Variants in GRID2 observed in about 807,000 individuals in gnomAD.
GRID2 encodes the protein glutamate receptor ionotropic, delta-2.
Under a neutral mutation model 114.8 loss-of-function variants are expected in GRID2, and 33 were observed. That is an observed-to-expected ratio of 0.29 (90% CI 0.22 to 0.38). The LOEUF is 0.38. Ranked by LOEUF, GRID2 falls within the 10% of genes least tolerant of loss-of-function variation. GRID2 has a pLI of 1.00. For synonymous variants in GRID2, 505 were observed against 449.9 expected (o/e 1.12, Z -1.55); for missense variants, 1,184 against 1,257.7 (o/e 0.94, Z 0.89).
intron 1 of GRID2, among the ~76,000 whole-genome samples, chr4:92,335,544 A>C (rs957094069): frequency 1.3e-5 from 2 of 152,232 alleles, no homozygotes; most frequent in African/African-American, 4.8e-5. Context: ...TTTCAGTATT[A>C]AGCAAAGAAA....
intron 8 of GRID2, among the ~76,000 whole-genome samples, chr4:93,284,067 A>G (rs1302331120): frequency 6.6e-6 from 1 of 152,016 alleles, no homozygotes; most frequent in East Asian, 1.9e-4. Flanking sequence ...TCTTTTCCTT[A>G]CAAGATGACA....
intron 14 of GRID2, among the ~76,000 whole-genome samples, chr4:93,643,941 A>T (rs1164117380): frequency 9.8e-6 from 1 of 102,070 alleles, no homozygotes; most frequent in Non-Finnish European, 1.9e-5. Context: ...TTGATCTCAG[A>T]CTGCTGTGCT....
rs1026366867 is a variant in GRID2 at position 93,223,913 on chromosome 4, A to C, written c.964-701A>C. Among the ~76,000 whole-genome samples, 4 of 152,172 alleles carry C rather than the reference A, an allele frequency of 2.6e-5. No homozygotes were observed. In the East Asian group the frequency reaches 7.7e-4, roughly 29 times the overall value. ...CTATAATTTATTTTTCAATCTATGTAGAAAGAAGTTAATAACATGGTTGTT... is the reference window on the plus strand; with the variant it reads ...CTATAATTTATTTTTCAATCTATGTCGAAAGAAGTTAATAACATGGTTGTT... On this transcript the variant is annotated intron_variant, in intron 6 of 15. Coordinates refer to ENST00000282020, the MANE Select transcript of GRID2 (RefSeq NM_001510.4).
intron 14 of GRID2, among the ~76,000 whole-genome samples, chr4:93,726,548 A>G (rs1239973063): frequency 1.3e-5 from 2 of 149,068 alleles, no homozygotes; most frequent in East Asian, 2.0e-4. Context: ...TGATGGGGAT[A>G]GCATTGAATC....
At chr4:93,800,578 AGCATTTTAATG>A (rs1223810917) in intron 1 of GRID2, among the ~76,000 whole-genome samples, 2 of 152,344 alleles carry the variant, frequency 1.3e-5, no homozygotes, top group Non-Finnish European at 2.9e-5. Context: ...TGTCCCAGAT[AGCATTTTAATG>A]GGTATCATGA....
At chr4:93,647,058 GA>G (rs2149715855) in intron 14 of GRID2, among the ~76,000 whole-genome samples, 1 of 152,218 alleles carries the variant, frequency 6.6e-6, no homozygotes, top group South Asian at 2.1e-4. Context: ...ATTACAATTT[GA>G]AAGGTAGAAG....
intron 1 of GRID2, among the ~76,000 whole-genome samples, chr4:92,439,123 G>A (rs958651484): frequency 6.6e-6 from 1 of 151,988 alleles, no homozygotes; most frequent in Non-Finnish European, 1.5e-5. Flanking sequence ...TACAGTCAAA[G>A]GGGGCTTGTT....
chr4:93,071,145 G>C (rs1728773183), intron 2 of GRID2, among the ~76,000 whole-genome samples: 1 of 152,018 alleles, frequency 6.6e-6, no homozygotes, highest in East Asian at 1.9e-4. Context: ...TACTATTGTT[G>C]ACTCCATTTA....
chr4:92,678,438 G>A (rs184777051), intron 2 of GRID2, among the ~76,000 whole-genome samples: 8 of 152,078 alleles, frequency 5.3e-5, no homozygotes, highest in Admixed American at 3.9e-4. Context: ...GTATGTTAAA[G>A]GCCTAATGGG....
intron 9 of GRID2, among the ~76,000 whole-genome samples, chr4:93,412,500 T>A (rs1767298349): frequency 6.6e-6 from 1 of 152,154 alleles, no homozygotes; most frequent in African/African-American, 2.4e-5. Context: ...CTTGTGCACA[T>A]TTATGCTCAT....
At chr4:92,951,282 TA>T (rs1560737284) in intron 2 of GRID2, among the ~76,000 whole-genome samples, 1 of 151,996 alleles carries the variant, frequency 6.6e-6, no homozygotes, top group African/African-American at 2.4e-5. Flanking sequence ...AACTTAACAA[TA>T]GATTTTATGT....
At chr4:92,745,836 G>A (rs189031841) in intron 2 of GRID2, among the ~76,000 whole-genome samples, 14 of 152,078 alleles carry the variant, frequency 9.2e-5, no homozygotes, top group African/African-American at 4.8e-5. Context: ...ATGCTATAAA[G>A]TAAAAAGAAA....
intron 2 of GRID2, among the ~76,000 whole-genome samples, chr4:92,677,579 C>T (rs1733435797): frequency 6.6e-6 from 1 of 152,050 alleles, no homozygotes; most frequent in African/African-American, 2.4e-5. Flanking sequence ...TTATAAAACA[C>T]CACAAAAAGC....
At chr4:93,363,851 A>G (rs1762097833) in intron 8 of GRID2, among the ~76,000 whole-genome samples, 1 of 151,808 alleles carries the variant, frequency 6.6e-6, no homozygotes, top group African/African-American at 2.4e-5. Context: ...ATATATGTAT[A>G]TATAGTCATC....
chr4:92,984,005 C>T lies in GRID2; in HGVS notation c.245-100990C>T, dbSNP rs576944321. Among the ~76,000 whole-genome samples the T allele has an allele frequency of 2.7e-3, 414 of 152,266 alleles. 1 individual carries two copies. The highest frequency in any genetic ancestry group is 5.1e-3 in the Non-Finnish European group (349 of 68,004). On this transcript the variant is annotated intron_variant, in intron 2 of 15. Transcript: ENST00000282020. The stretch of plus-strand genomic sequence containing the variant: ...ATGTAACTTTGGACAGGGTACATAA[C>T]CTCTTTGGCCCTCAGTGTTTTTGAT...
At chr4:93,649,135 C>G (rs1041710251) in intron 14 of GRID2, among the ~76,000 whole-genome samples, 8 of 152,120 alleles carry the variant, frequency 5.3e-5, no homozygotes, top group Non-Finnish European at 8.8e-5. Flanking sequence ...CAACCAAAAT[C>G]ATTTTTTAAC....
chr4:92,669,502 C>CT (rs1166386775), intron 2 of GRID2, among the ~76,000 whole-genome samples: 1 of 151,946 alleles, frequency 6.6e-6, no homozygotes, highest in Non-Finnish European at 1.5e-5. Flanking sequence ...TGACATATCT[C>CT]TGACTTGCTG....
At chr4:93,519,037 A>G (rs1730083894) in intron 13 of GRID2, among the ~76,000 whole-genome samples, 1 of 152,170 alleles carries the variant, frequency 6.6e-6, no homozygotes, top group South Asian at 2.1e-4. Context: ...GCTTCCTAAA[A>G]ATATAGACTC....
At chr4:92,925,282 C>T (rs1297459253) in intron 2 of GRID2, among the ~76,000 whole-genome samples, 2 of 152,014 alleles carry the variant, frequency 1.3e-5, no homozygotes, top group African/African-American at 4.8e-5. Flanking sequence ...GCTGAGATTT[C>T]TGTGTCAAGG....
Sources: gnomAD v4.1 joint callset for allele counts (sites outside exome capture counted in the v4.1 genomes callset) on GRCh38, gnomAD v4.1.1 for gene constraint, MANE v1.5 for transcripts, NCBI Gene and HGNC (gene_info 2026-07-23, HGNC 2026-07-21) for gene names.